SMAD3: variants seen among roughly 807,000 people sequenced by gnomAD.
SMAD3 encodes MAD homolog 3.
In SMAD3, 12 loss-of-function variants were observed where a neutral mutation model predicts 51.8. That is an observed-to-expected ratio of 0.23 (90% CI 0.15 to 0.38). The LOEUF is 0.38. Ranked by LOEUF, SMAD3 falls within the 10% of genes least tolerant of loss-of-function variation. The pLI is 1.00. For synonymous variants in SMAD3, 238 were observed against 227.7 expected (o/e 1.05, Z -0.41); for missense variants, 294 against 565.6 (o/e 0.52, Z 4.87).
rs1441768769 is a variant in SMAD3, at chr15:67,194,711, C to T, written c.*4175C>T. On this transcript the variant is annotated 3_prime_UTR_variant, in exon 9 of 9. Coordinates refer to ENST00000327367, the MANE Select transcript of SMAD3 (RefSeq NM_005902.4). ...TGTAGTGGCTTTTTGGCTCAGCATCCAGAAACACCAAACCAGGCTGGCTAA... is the reference window on the plus strand; with the variant it reads ...TGTAGTGGCTTTTTGGCTCAGCATCTAGAAACACCAAACCAGGCTGGCTAA... 2 of 232,206 alleles carry T rather than the reference C, an allele frequency of 8.6e-6. No individual in the cohort carries two copies. Among genetic ancestry groups the T allele is most frequent in the Non-Finnish European group, 1.7e-5 (2 of 117,198 alleles). The allele number at this position is 232,206 out of a possible 1,614,324, so 14.4% of individuals were successfully genotyped here.
intron 1 of SMAD3, among the ~76,000 whole-genome samples, chr15:67,074,046 T>C (rs1205822598): frequency 2.0e-5 from 3 of 152,246 alleles, no homozygotes; most frequent in Non-Finnish European, 4.4e-5. Context: ...TTCTTAATTA[T>C]TGATGTTCCA....
chr15:67,151,176 G>C (rs189947570), intron 1 of SMAD3, among the ~76,000 whole-genome samples: 184 of 151,924 alleles, frequency 1.2e-3, no homozygotes, highest in African/African-American at 4.2e-3. Flanking sequence ...TCAGTCTTAA[G>C]ACATTCATAT....
At chr15:67,142,181 T>C (rs1229665624) in intron 1 of SMAD3, among the ~76,000 whole-genome samples, 1 of 150,568 alleles carries the variant, frequency 6.6e-6, no homozygotes, top group African/African-American at 2.4e-5. Context: ...TTCATTCTTT[T>C]GTGTGTCTCC....
At chr15:67,187,267 A>C in intron 7 of SMAD3, 98 bp from the exon 8 acceptor site, 1 of 1,385,452 alleles carries the variant, frequency 7.2e-7, no homozygotes, top group East Asian at 2.3e-5. Context: ...TGTATAAATG[A>C]GGCTGGTCTA....
intron 1 of SMAD3, among the ~76,000 whole-genome samples, chr15:67,096,398 C>A (rs2140219124): frequency 6.6e-6 from 1 of 152,270 alleles, no homozygotes; most frequent in South Asian, 2.1e-4. Flanking sequence ...TCCTAAAATA[C>A]AATTCATGTA....
At chr15:67,070,449 G>A (rs141961171) in intron 1 of SMAD3, among the ~76,000 whole-genome samples, 1 of 152,148 alleles carries the variant, frequency 6.6e-6, no homozygotes, top group East Asian at 1.9e-4. Flanking sequence ...CAGCCCCTCT[G>A]TTGTTACAGG....
intron 1 of SMAD3, among the ~76,000 whole-genome samples, chr15:67,091,244 G>T (rs554579012): frequency 1.3e-5 from 2 of 152,200 alleles, no homozygotes; most frequent in Non-Finnish European, 2.9e-5. Flanking sequence ...TCCCCCAGCC[G>T]TCTCCAGGCC....
rs751304511 is a variant in SMAD3 at position 67,165,066 on chromosome 15, CT to C, written c.379del (p.Tyr127ThrfsTer4). ...ACGAGGTCTGCGTGAATCCCTACCA[CT>C]ACCAGAGAGTAGAGACACCAGGTAT... ...KDEVCVNPYHYQRVETPVLPP... is the reference protein window; with the variant it reads ...KDEVCVNPYHXQRVETPVLPP... On this transcript the variant is annotated frameshift_variant, in exon 2 of 9. Transcript: ENST00000327367. LOFTEE classifies it high-confidence loss of function. 1 of 1,614,204 alleles carries C rather than the reference CT, an allele frequency of 6.2e-7. No homozygotes were observed. The highest frequency in any genetic ancestry group is 8.5e-7 in the Non-Finnish European group (1 of 1,180,048).
chr15:67,125,869 C>T (rs1020207676), intron 1 of SMAD3: 29 of 985,298 alleles, frequency 2.9e-5, no homozygotes, highest in South Asian at 9.4e-5. Flanking sequence ...TTATTGCCGC[C>T]GCTCGCTTCA....
chr15:67,085,868 GCACACACA>G (rs78357581), intron 1 of SMAD3, among the ~76,000 whole-genome samples: 13 of 100,066 alleles, frequency 1.3e-4, no homozygotes, highest in African/African-American at 4.1e-4. Flanking sequence ...AAAAAAGCGT[GCACACACA>G]CACACACACA....
intron 1 of SMAD3, among the ~76,000 whole-genome samples, chr15:67,116,599 T>C (rs908813247): frequency 2.0e-5 from 3 of 152,174 alleles, no homozygotes; most frequent in African/African-American, 7.2e-5. Context: ...TCCTAGTGGT[T>C]CTGCAATTAG....
intron 1 of SMAD3, among the ~76,000 whole-genome samples, chr15:67,081,041 CT>C (rs1365505832): frequency 2.0e-5 from 3 of 152,216 alleles, no homozygotes; most frequent in Admixed American, 6.5e-5. Flanking sequence ...CGGTTTCAGC[CT>C]GAGAAATGTG....
At chr15:67,112,776 C>G (rs1419556276) in intron 1 of SMAD3, among the ~76,000 whole-genome samples, 1 of 131,660 alleles carries the variant, frequency 7.6e-6, no homozygotes, top group Non-Finnish European at 1.6e-5. Context: ...AATTTTAGCT[C>G]TTATATTTAG....
At chr15:67,185,222 C>T (rs1963191972) in intron 7 of SMAD3, among the ~76,000 whole-genome samples, 1 of 152,230 alleles carries the variant, frequency 6.6e-6, no homozygotes, top group South Asian at 2.1e-4. Context: ...TGCGGCCCTG[C>T]TCTGCCCCCG....
chr15:67,170,470 C>T, intron 4 of SMAD3, 84 bp from the exon 5 acceptor site: 1 of 1,139,052 alleles, frequency 8.8e-7, no homozygotes, highest in Non-Finnish European at 1.3e-6. Flanking sequence ...TGGGCTACCC[C>T]TCCTTGATAT....
chr15:67,192,886 G>C lies in SMAD3; in HGVS notation c.*2350G>C. The stretch of plus-strand genomic sequence containing the variant: ...TCAGACCTGAAGGCTACTTCTAGGA[G>C]CATGAAGTTTGAGTTTTGTGTTTTT... On this transcript the variant is annotated 3_prime_UTR_variant, in exon 9 of 9. Coordinates refer to ENST00000327367, the MANE Select transcript of SMAD3 (RefSeq NM_005902.4). 1 of 233,352 alleles carries C rather than the reference G, an allele frequency of 4.3e-6. No individual in the cohort carries two copies. The highest frequency in any genetic ancestry group is 5.6e-5 in the Admixed American group (1 of 17,802). The allele number at this position is 233,352 out of a possible 1,614,324, so 14.5% of individuals were successfully genotyped here. A position where few individuals can be genotyped will look rare whatever the true frequency, so the allele number is the denominator to read the frequency against.
rs191612061 is a variant in SMAD3 at position 67,066,228 on chromosome 15, G to T, written c.74G>T (p.Gly25Val). The T allele has an allele frequency of 9.9e-6, 16 of 1,613,550 alleles. No homozygotes were observed. In the Admixed American group the frequency reaches 1.5e-4, roughly 15 times the overall value. ...LLGWKKGEQN[G>V]QEEKWCEKAV... ...GGCTGGAAGAAGGGCGAGCAGAACGGGCAGGAGGAGAAATGGTGCGAGAAG... is the reference window on the plus strand; with the variant it reads ...GGCTGGAAGAAGGGCGAGCAGAACGTGCAGGAGGAGAAATGGTGCGAGAAG... The change falls in exon 1 of 9, where the codon GGG (glycine) becomes GTG (valine). Residue 25 changes from glycine to valine, a missense_variant. Physicochemically the swap from Gly to Val is moderately radical, Grantham distance 109. Coordinates refer to ENST00000327367, the MANE Select transcript of SMAD3 (RefSeq NM_005902.4).
chr15:67,130,215 G>T (rs1326813466), intron 1 of SMAD3, among the ~76,000 whole-genome samples: 1 of 152,166 alleles, frequency 6.6e-6, no homozygotes, highest in African/African-American at 2.4e-5. Context: ...ACTCAGAGAG[G>T]CCCAGCAACT....
At chr15:67,078,314 G>A (rs1181652537) in intron 1 of SMAD3, among the ~76,000 whole-genome samples, 3 of 152,296 alleles carry the variant, frequency 2.0e-5, no homozygotes, top group Admixed American at 2.0e-4. Context: ...GGCCTCTGCT[G>A]GGTCTTCCCT....
Sources: gnomAD v4.1 joint callset for allele counts (sites outside exome capture counted in the v4.1 genomes callset) on GRCh38, gnomAD v4.1.1 for gene constraint, MANE v1.5 for transcripts, NCBI Gene and HGNC (gene_info 2026-07-23, HGNC 2026-07-21) for gene names.